Variants in PPP2R5A observed in about 807,000 individuals in gnomAD.
PPP2R5A encodes the protein serine/threonine-protein phosphatase 2A 56 kDa regulatory subunit alpha isoform.
In PPP2R5A, 25 loss-of-function variants were observed where a neutral mutation model predicts 64.2. The observed-to-expected ratio is 0.39, with a 90% CI of 0.28 to 0.54. The LOEUF (loss-of-function observed/expected upper bound fraction) is 0.54, where lower values mean the gene tolerates loss of function less well. Ranked by LOEUF, PPP2R5A falls within the 20% of genes least tolerant of loss-of-function variation. The pLI, the probability that PPP2R5A is intolerant of heterozygous loss-of-function variation, is 0.67. For synonymous variants in PPP2R5A, 198 were observed against 201.2 expected, an observed-to-expected ratio of 0.98 and a Z score of 0.13; for missense variants, 425 against 576.3, an observed-to-expected ratio of 0.74 and a Z score of 2.69.
chr1:212,354,875 G>A (rs561733000), intron 8 of PPP2R5A, among the ~76,000 whole-genome samples: 15 of 152,284 alleles, frequency 9.9e-5, no homozygotes, highest in Middle Eastern at 3.4e-3. Flanking sequence ...ACGGTATTCA[G>A]TACAAGAACA....
intron 3 of PPP2R5A, among the ~76,000 whole-genome samples, chr1:212,337,287 T>A (rs1450001435): frequency 6.6e-6 from 1 of 152,184 alleles, no homozygotes; most frequent in African/African-American, 2.4e-5. Flanking sequence ...TTAGGACACT[T>A]GGCTGCTGTA....
Sources: gnomAD v4.1 joint callset for allele counts (sites outside exome capture counted in the v4.1 genomes callset) on GRCh38, gnomAD v4.1.1 for gene constraint, MANE v1.5 for transcripts, NCBI Gene and HGNC (gene_info 2026-07-23, HGNC 2026-07-21) for gene names.